COL19A1: variants seen among roughly 807,000 people sequenced by gnomAD.
COL19A1 encodes the protein collagen type XIX alpha 1 chain, also known as collagen alpha-1(XIX) chain.
COL19A1 carries 159 observed loss-of-function variants against 190.2 expected under a neutral mutation model. The ratio of observed to expected loss-of-function variants is 0.84; its 90% confidence interval spans 0.73 to 0.95. COL19A1 has a LOEUF of 0.95. COL19A1 is among the 40% of genes least tolerant of loss of function. The pLI, the probability that COL19A1 is intolerant of heterozygous loss-of-function variation, is 0.00. For synonymous variants in COL19A1, 509 were observed against 458.9 expected, an observed-to-expected ratio of 1.11 and a Z score of -1.39; for missense variants, 1,418 against 1,431.9, an observed-to-expected ratio of 0.99 and a Z score of 0.16.
intron 16 of COL19A1, among the ~76,000 whole-genome samples, chr6:70,121,211 A>C (rs1272882829): frequency 1.3e-5 from 2 of 152,114 alleles, no homozygotes; most frequent in Non-Finnish European, 2.9e-5. Flanking sequence ...TCCCTGAAAA[A>C]CCTGGAAAAG....
chr6:70,051,798 C>T (rs1211918856), intron 14 of COL19A1, among the ~76,000 whole-genome samples: 3 of 152,062 alleles, frequency 2.0e-5, no homozygotes, highest in African/African-American at 2.4e-5. Context: ...TATACCACTC[C>T]ATTAACAGCT....
chr6:69,908,752 A>T (rs1176821805), intron 4 of COL19A1, among the ~76,000 whole-genome samples: 1 of 152,144 alleles, frequency 6.6e-6, no homozygotes, highest in East Asian at 1.9e-4. Context: ...CAGATTTCAT[A>T]TAACTCAGTA....
chr6:70,065,080 G>C (rs368754144), intron 14 of COL19A1, among the ~76,000 whole-genome samples: 10 of 152,080 alleles, frequency 6.6e-5, no homozygotes, highest in South Asian at 4.2e-4. Context: ...CTACCAATGA[G>C]TTTCTTCACA....
intron 17 of COL19A1, 40 bp from the exon 18 acceptor site, chr6:70,130,141 CG>C (rs770655199): frequency 8.7e-6 from 14 of 1,604,430 alleles, no homozygotes; most frequent in South Asian, 1.1e-5. Context: ...TAAAAATTAG[CG>C]GATTTTTCTT....
At chr6:70,080,003 G>T (rs1040043814) in intron 15 of COL19A1, among the ~76,000 whole-genome samples, 34 of 152,258 alleles carry the variant, frequency 2.2e-4, no homozygotes, top group African/African-American at 7.5e-4. Context: ...GGCCAAAAGG[G>T]AAGGCACAGG....
At chr6:69,941,990 C>T (rs1438594619) in intron 9 of COL19A1, among the ~76,000 whole-genome samples, 1 of 152,130 alleles carries the variant, frequency 6.6e-6, no homozygotes, top group Non-Finnish European at 1.5e-5. Context: ...GCTCTCAGCA[C>T]AATGTGCTAG....
intron 11 of COL19A1, among the ~76,000 whole-genome samples, chr6:70,007,691 T>G (rs1374343630): frequency 6.6e-6 from 1 of 152,024 alleles, no homozygotes; most frequent in African/African-American, 2.4e-5. Context: ...TCAATAAGAA[T>G]ATAGTAGACT....
intron 11 of COL19A1, among the ~76,000 whole-genome samples, chr6:69,975,023 C>T (rs911366681): frequency 1.3e-5 from 2 of 151,984 alleles, no homozygotes; most frequent in Non-Finnish European, 2.9e-5. Flanking sequence ...CCATGCTAGC[C>T]AGGATGGTGC....
At chr6:70,206,489 G>C (rs1220641806) in intron 49 of COL19A1, among the ~76,000 whole-genome samples, 1 of 152,108 alleles carries the variant, frequency 6.6e-6, no homozygotes, top group East Asian at 1.9e-4. Flanking sequence ...AAAATAGCCA[G>C]GAGTGGTGGT....
At chr6:69,906,452 TA>T (rs994478644) in intron 4 of COL19A1, among the ~76,000 whole-genome samples, 1 of 151,562 alleles carries the variant, frequency 6.6e-6, no homozygotes, top group African/African-American at 2.4e-5. Flanking sequence ...TGTGACCCAT[TA>T]AAAAAAAGAG....
At chr6:70,195,112 A>T (rs1767110951) in intron 48 of COL19A1, among the ~76,000 whole-genome samples, 1 of 144,876 alleles carries the variant, frequency 6.9e-6, no homozygotes. Context: ...TATACACTTC[A>T]TCTGATAAAT....
chr6:69,997,014 C>CATATATATATATATATAT (rs370136850), intron 11 of COL19A1, among the ~76,000 whole-genome samples: 4 of 142,688 alleles, frequency 2.8e-5, no homozygotes, highest in African/African-American at 1.1e-4. Context: ...TTTATATATA[C>CATATATATATATATATAT]ATATATATAT....
chr6:70,183,503 AC>A (rs1766313578), intron 44 of COL19A1, among the ~76,000 whole-genome samples: 2 of 152,160 alleles, frequency 1.3e-5, no homozygotes, highest in South Asian at 4.2e-4. Context: ...CATGAACTAC[AC>A]TTTTACTCTA....
chr6:70,175,209 T>C (rs751142823), intron 41 of COL19A1, among the ~76,000 whole-genome samples: 30 of 152,214 alleles, frequency 2.0e-4, no homozygotes, highest in Non-Finnish European at 4.0e-4. Flanking sequence ...AAGACATTAC[T>C]TCTATCTCAT....
chr6:70,172,118 A>C, intron 41 of COL19A1, 101 bp downstream of exon 41: 1 of 1,021,492 alleles, frequency 9.8e-7, no homozygotes, highest in East Asian at 2.5e-5. Context: ...GGATATATAA[A>C]GGAACAAAAC....
At chr6:69,914,758 C>T (rs1561990420) in intron 4 of COL19A1, among the ~76,000 whole-genome samples, 1 of 152,148 alleles carries the variant, frequency 6.6e-6, no homozygotes, top group Non-Finnish European at 1.5e-5. Flanking sequence ...GAAGAATTAC[C>T]TCCGGAACCA....
chr6:70,128,736 A>C (rs937487313), intron 17 of COL19A1, among the ~76,000 whole-genome samples: 6 of 152,218 alleles, frequency 3.9e-5, no homozygotes, highest in Non-Finnish European at 8.8e-5. Flanking sequence ...ACTGAAACAA[A>C]GTTCAGGAGA....
chr6:69,930,204 C>T (rs1315545235), intron 6 of COL19A1, among the ~76,000 whole-genome samples: 1 of 152,060 alleles, frequency 6.6e-6, no homozygotes, highest in African/African-American at 2.4e-5. Flanking sequence ...GAAAAATTCA[C>T]TAAATGTATT....
intron 16 of COL19A1, among the ~76,000 whole-genome samples, chr6:70,109,984 G>GTTC (rs1582934003): frequency 6.6e-6 from 1 of 152,266 alleles, no homozygotes; most frequent in East Asian, 1.9e-4. Flanking sequence ...ATCCATCGCT[G>GTTC]TTCTCAACTT....
Sources: gnomAD v4.1 joint callset for allele counts (sites outside exome capture counted in the v4.1 genomes callset) on GRCh38, gnomAD v4.1.1 for gene constraint, MANE v1.5 for transcripts, NCBI Gene and HGNC (gene_info 2026-07-23, HGNC 2026-07-21) for gene names.